Variants in SLC39A11 observed in about 807,000 individuals in gnomAD.
SLC39A11 encodes the protein solute carrier family 39 member 11.
SLC39A11 carries 33 observed loss-of-function variants against 36.1 expected under a neutral mutation model. The ratio of observed to expected loss-of-function variants is 0.91; its 90% CI spans 0.69 to 1.22. The LOEUF (loss-of-function observed/expected upper bound fraction) is 1.22. Ranked by LOEUF, SLC39A11 falls within the 50% of genes most tolerant of loss-of-function variation. SLC39A11 has a pLI of 0.00. For synonymous variants in SLC39A11, 166 were observed against 170.3 expected, an observed-to-expected ratio of 0.97 and a Z score of 0.20; for missense variants, 432 against 430.3, an observed-to-expected ratio of 1.00 and a Z score of -0.03.
intron 4 of SLC39A11, among the ~76,000 whole-genome samples, chr17:73,006,688 G>A (rs936168021): frequency 6.6e-6 from 1 of 150,682 alleles, no homozygotes; most frequent in Non-Finnish European, 1.5e-5. Flanking sequence ...ATGCACACAC[G>A]CACCCCTACA....
chr17:73,060,655 A>G (rs1348915451), intron 3 of SLC39A11, among the ~76,000 whole-genome samples: 1 of 150,626 alleles, frequency 6.6e-6, no homozygotes, highest in Non-Finnish European at 1.5e-5. Flanking sequence ...TAAAGGGGAG[A>G]TATTATACGA....
chr17:73,047,941 C>A (rs1216995546), intron 3 of SLC39A11, among the ~76,000 whole-genome samples: 2 of 113,482 alleles, frequency 1.8e-5, no homozygotes, highest in African/African-American at 7.0e-5. Context: ...GCACTCCAAT[C>A]TGGCGACAGA....
At chr17:72,917,621 T>G (rs965591001) in intron 5 of SLC39A11, among the ~76,000 whole-genome samples, 48 of 152,138 alleles carry the variant, frequency 3.2e-4, no homozygotes, top group Admixed American at 2.7e-3. Flanking sequence ...AGAAAAAAAT[T>G]TCATTTGCCT....
chr17:72,771,862 A>G (rs958690785), intron 6 of SLC39A11, among the ~76,000 whole-genome samples: 6 of 152,284 alleles, frequency 3.9e-5, no homozygotes, highest in African/African-American at 7.2e-5. Flanking sequence ...AGAAATGGAG[A>G]TGGTGTTAAA....
At chr17:72,740,322 C>T (rs940444190) in intron 6 of SLC39A11, among the ~76,000 whole-genome samples, 32 of 152,236 alleles carry the variant, frequency 2.1e-4, no homozygotes, top group African/African-American at 7.7e-4. Flanking sequence ...ACCTCAGCCT[C>T]CCAAAGTGCT....
At position 72,653,155 on chromosome 17, in the gene SLC39A11, A is replaced by G. The variant is rs1413441740; in HGVS notation, c.672-3887T>C. On this transcript the variant is annotated intron_variant, in intron 7 of 9. Coordinates refer to ENST00000255559, the MANE Select transcript of SLC39A11 (RefSeq NM_139177.4). ...AGTCTCGCTCTGTCATCCAGGCTAG[A>G]GTGCACTGGCACGATCTCAGCTCAC... Among the ~76,000 whole-genome samples the G allele has an allele frequency of 2.7e-5, 4 of 149,386 alleles. No homozygotes were observed. The East Asian group carries it at 7.9e-4, about 29-fold the overall frequency.
intron 4 of SLC39A11, among the ~76,000 whole-genome samples, chr17:72,979,164 G>A (rs1341061946): frequency 2.6e-5 from 4 of 152,004 alleles, no homozygotes; most frequent in African/African-American, 9.7e-5. Context: ...TTTTATAAGG[G>A]GCTCCTCCCC....
intron 6 of SLC39A11, among the ~76,000 whole-genome samples, chr17:72,762,206 G>T (rs2075608600): frequency 6.6e-6 from 1 of 152,194 alleles, no homozygotes; most frequent in Non-Finnish European, 1.5e-5. Context: ...GAGATAGGAG[G>T]TTGGCACAAG....
At chr17:73,086,672 T>C (rs921460873) in intron 2 of SLC39A11, among the ~76,000 whole-genome samples, 4 of 151,672 alleles carry the variant, frequency 2.6e-5, no homozygotes, top group East Asian at 1.9e-4. Flanking sequence ...ATACAAAAAT[T>C]AGCTGGGCAT....
chr17:73,052,327 A>G (rs1599040150), intron 3 of SLC39A11, among the ~76,000 whole-genome samples: 2 of 152,186 alleles, frequency 1.3e-5, no homozygotes, highest in East Asian at 3.9e-4. Flanking sequence ...GAAAAAAAAA[A>G]CAGGAAGACT....
At chr17:72,814,446 A>G (rs1051289274) in intron 6 of SLC39A11, among the ~76,000 whole-genome samples, 2 of 152,196 alleles carry the variant, frequency 1.3e-5, no homozygotes, top group African/African-American at 4.8e-5. Flanking sequence ...ACTCAGGCCA[A>G]ATGAGGGCCA....
intron 6 of SLC39A11, among the ~76,000 whole-genome samples, chr17:72,769,859 T>C (rs1035664604): frequency 5.4e-4 from 83 of 152,304 alleles, no homozygotes; most frequent in Non-Finnish European, 2.9e-5. Flanking sequence ...TTGCCTCCTT[T>C]GGAAAGGCCA....
intron 6 of SLC39A11, among the ~76,000 whole-genome samples, chr17:72,737,768 G>A (rs907201148): frequency 2.0e-5 from 3 of 151,892 alleles, no homozygotes; most frequent in African/African-American, 4.8e-5. Flanking sequence ...ATACCTCTTC[G>A]GCCAGAACAG....
At chr17:72,742,617 A>G (rs2074762526) in intron 6 of SLC39A11, among the ~76,000 whole-genome samples, 1 of 152,190 alleles carries the variant, frequency 6.6e-6, no homozygotes, top group African/African-American at 2.4e-5. Flanking sequence ...TTCTAAAACC[A>G]TAAACAACAG....
intron 6 of SLC39A11, among the ~76,000 whole-genome samples, chr17:72,764,801 G>C (rs1288536290): frequency 1.3e-5 from 2 of 152,156 alleles, no homozygotes; most frequent in African/African-American, 4.8e-5. Context: ...TATCAGTGCT[G>C]GTGGGGAGTT....
intron 3 of SLC39A11, among the ~76,000 whole-genome samples, chr17:73,073,177 C>T (rs2060216226): frequency 6.6e-6 from 1 of 152,004 alleles, no homozygotes. Context: ...GGGACTCCAC[C>T]CCAAAAATAA....
chr17:72,725,089 TG>T (rs1046031357), intron 7 of SLC39A11, among the ~76,000 whole-genome samples: 1 of 152,240 alleles, frequency 6.6e-6, no homozygotes, highest in African/African-American at 2.4e-5. Context: ...TTCCTTGGCC[TG>T]GCCCACTTTC....
intron 6 of SLC39A11, among the ~76,000 whole-genome samples, chr17:72,758,266 G>C (rs1229378833): frequency 6.6e-6 from 1 of 152,116 alleles, no homozygotes; most frequent in Admixed American, 6.5e-5. Context: ...TTATAAGAAA[G>C]GTCTGGAAGA....
At chr17:72,748,639 G>T (rs1016294739) in intron 6 of SLC39A11, among the ~76,000 whole-genome samples, 1 of 152,208 alleles carries the variant, frequency 6.6e-6, no homozygotes, top group Non-Finnish European at 1.5e-5. Flanking sequence ...ACAGGTGAAG[G>T]CATCTGGTTA....
Sources: allele counts gnomAD v4.1 joint callset (sites outside exome capture counted in the v4.1 genomes callset), GRCh38; gene constraint gnomAD v4.1.1; transcripts MANE v1.5; gene names NCBI Gene and HGNC (gene_info 2026-07-23, HGNC 2026-07-21).